RANBP2: variants seen among roughly 807,000 people sequenced by gnomAD.
RANBP2 encodes RAN binding protein 2.
A neutral mutation model predicts 303.6 loss-of-function variants in RANBP2; 57 were observed. The ratio of observed to expected loss-of-function variants is 0.19; its 90% CI spans 0.15 to 0.23. The LOEUF (loss-of-function observed/expected upper bound fraction) is 0.23, where lower values mean the gene tolerates loss of function less well. RANBP2 is among the 10% of genes least tolerant of loss of function. RANBP2 has a pLI of 1.00. For missense variants in RANBP2, 3,138 were observed against 3,780.8 expected, an observed-to-expected ratio of 0.83 and a Z score of 4.46; for synonymous variants, 1,167 against 1,301.5, an observed-to-expected ratio of 0.90 and a Z score of 2.23.
the RANBP2 span, among the ~76,000 whole-genome samples, chr2:109,354,806 AAC>A: frequency 6.6e-6 from 1 of 152,254 alleles, no homozygotes; most frequent in African/African-American, 2.4e-5. Context: ...TGGAAGTGAA[AAC>A]ACAGACTTTG....
chr2:109,163,033 A>ATG, the RANBP2 span, among the ~76,000 whole-genome samples: 1 of 152,208 alleles, frequency 6.6e-6, no homozygotes, highest in Non-Finnish European at 1.5e-5. Flanking sequence ...CAAAGTCTGT[A>ATG]TAGTGATAGC....
At chr2:109,497,111 CTATAA>C in the RANBP2 span, among the ~76,000 whole-genome samples, 1 of 152,178 alleles carries the variant, frequency 6.6e-6, no homozygotes, top group Non-Finnish European at 1.5e-5. Context: ...ATGGACGGAA[CTATAA>C]TATATTTTTA....
the RANBP2 span, among the ~76,000 whole-genome samples, chr2:109,201,758 A>G: frequency 7.9e-3 from 1,203 of 152,268 alleles, 10 homozygotes; most frequent in East Asian, 0.036. Context: ...CGGTGAAAGG[A>G]GCATTGGTAG....
chr2:108,991,729 A>G, the RANBP2 span, among the ~76,000 whole-genome samples: 1 of 152,232 alleles, frequency 6.6e-6, no homozygotes, highest in Non-Finnish European at 1.5e-5. Flanking sequence ...AGGGGTTGGT[A>G]AGAATTATCT....
the RANBP2 span, among the ~76,000 whole-genome samples, chr2:108,843,897 T>C: frequency 1.4e-5 from 2 of 144,314 alleles, no homozygotes; most frequent in African/African-American, 5.0e-5. Context: ...TTTTTTTTTT[T>C]TTTTTTTTTT....
At chr2:109,199,269 C>T in the RANBP2 span, among the ~76,000 whole-genome samples, 1 of 30,638 alleles carries the variant, frequency 3.3e-5, no homozygotes, top group Non-Finnish European at 8.1e-5. Flanking sequence ...TTGCAGTGAG[C>T]CGAGATCATG....
chr2:109,557,952 C>T, the RANBP2 span, among the ~76,000 whole-genome samples: 3 of 151,398 alleles, frequency 2.0e-5, no homozygotes, highest in African/African-American at 7.3e-5. Context: ...GCCACCACAG[C>T]TGGTTAATTT....
chr2:108,925,085 T>C, the RANBP2 span, among the ~76,000 whole-genome samples: 1 of 152,330 alleles, frequency 6.6e-6, no homozygotes, highest in Non-Finnish European at 1.5e-5. Context: ...CTAGGGGGAT[T>C]GGTCCCGCTC....
chr2:109,502,869 A>G, the RANBP2 span: 2 of 152,200 alleles, frequency 1.3e-5, no homozygotes, highest in Non-Finnish European at 2.9e-5. Context: ...TTAGATCACC[A>G]CCACCATTTT....
At chr2:109,399,091 C>T in the RANBP2 span, 1 of 954,772 alleles carries the variant, frequency 1.0e-6, no homozygotes, top group East Asian at 2.6e-5. Context: ...CCTTTGCTGC[C>T]TGGCACTGGG....
chr2:109,002,655 T>C, the RANBP2 span, among the ~76,000 whole-genome samples: 6 of 152,142 alleles, frequency 3.9e-5, no homozygotes, highest in African/African-American at 1.4e-4. Context: ...CTCCAGCAGG[T>C]GGGAGAGTCC....
chr2:109,545,515 C>T, the RANBP2 span: 9 of 1,535,876 alleles, frequency 5.9e-6, no homozygotes, highest in Non-Finnish European at 7.8e-6. Context: ...CATCAATGCA[C>T]AGGAGTTCGA....
the RANBP2 span, among the ~76,000 whole-genome samples, chr2:109,499,817 G>A: frequency 6.6e-6 from 1 of 152,320 alleles, no homozygotes; most frequent in East Asian, 1.9e-4. Context: ...GGACACTAGT[G>A]AAAGTAGTCA....
At chr2:109,354,411 T>C in the RANBP2 span, among the ~76,000 whole-genome samples, 239 of 152,360 alleles carry the variant, frequency 1.6e-3, no homozygotes, top group Non-Finnish European at 2.7e-3. Flanking sequence ...GCAGCGTTCA[T>C]GTGGCCTCCA....
chr2:109,529,531 G>A, the RANBP2 span, among the ~76,000 whole-genome samples: 3 of 152,318 alleles, frequency 2.0e-5, no homozygotes, highest in South Asian at 2.1e-4. Context: ...GAGCAATAGG[G>A]TGCTGAGGAG....
the RANBP2 span, among the ~76,000 whole-genome samples, chr2:108,935,122 C>T: frequency 5.9e-5 from 9 of 152,302 alleles, no homozygotes; most frequent in African/African-American, 1.9e-4. Flanking sequence ...TGGCGCTTTA[C>T]GGAAAAGGTC....
At chr2:109,701,874 A>G in the RANBP2 span, among the ~76,000 whole-genome samples, 1 of 152,186 alleles carries the variant, frequency 6.6e-6, no homozygotes, top group Non-Finnish European at 1.5e-5. Flanking sequence ...TAGGAACCAC[A>G]AAGGCCAGTC....
At chr2:108,939,974 TCA>T in the RANBP2 span, among the ~76,000 whole-genome samples, 7 of 152,168 alleles carry the variant, frequency 4.6e-5, no homozygotes, top group African/African-American at 1.7e-4. Flanking sequence ...TGATTCTGCT[TCA>T]CAACAAAAGC....
At chr2:109,377,977 C>T in the RANBP2 span, among the ~76,000 whole-genome samples, 2 of 152,256 alleles carry the variant, frequency 1.3e-5, no homozygotes, top group African/African-American at 4.8e-5. Context: ...ACTCCGCGTT[C>T]TGCACTACCT....
Sources: allele counts gnomAD v4.1 joint callset (sites outside exome capture counted in the v4.1 genomes callset), GRCh38; gene constraint gnomAD v4.1.1; transcripts MANE v1.5; gene names NCBI Gene and HGNC (gene_info 2026-07-23, HGNC 2026-07-21).